KCNMA1: variants seen among roughly 807,000 people sequenced by gnomAD.
KCNMA1 encodes the protein Calcium-activated potassium channel subunit alpha-1.
Under a neutral mutation model 140.0 loss-of-function variants are expected in KCNMA1, and 29 were observed. The ratio of observed to expected loss-of-function variants is 0.21; its 90% CI spans 0.15 to 0.28. KCNMA1 has a LOEUF of 0.28. Among genes scored for constraint, KCNMA1 ranks in the 10% least tolerant of loss-of-function variants. KCNMA1 has a pLI of 1.00. For synonymous variants in KCNMA1, 612 were observed against 611.9 expected (o/e 1.00, Z 0.00); for missense variants, 880 against 1,602.2 (o/e 0.55, Z 7.70).
At chr10:77,153,453 C>T (rs1347634022) in intron 5 of KCNMA1, among the ~76,000 whole-genome samples, 1 of 152,076 alleles carries the variant, frequency 6.6e-6, no homozygotes, top group Admixed American at 6.5e-5. Context: ...CTCACTGCAA[C>T]CTCAGTCTCC....
chr10:77,377,279 T>TC (rs541876372), intron 2 of KCNMA1, among the ~76,000 whole-genome samples: 168 of 151,956 alleles, frequency 1.1e-3, no homozygotes, highest in Middle Eastern at 3.4e-3. Flanking sequence ...ATTTCCTACC[T>TC]CCCCCACCTG....
chr10:76,884,502 G>T (rs2082415), downstream of KCNMA1: 57,723 of 147,556 alleles, frequency 0.39, 12,107 homozygotes, highest in Non-Finnish European at 0.48. Context: ...CCGATGGGGG[G>T]ACTGGGATTG....
intron 25 of KCNMA1, among the ~76,000 whole-genome samples, chr10:76,907,565 G>A (rs930418766): frequency 6.6e-6 from 1 of 152,006 alleles, no homozygotes; most frequent in Non-Finnish European, 1.5e-5. Context: ...TTGAGACAGG[G>A]TCTCATTCTG....
At chr10:76,919,534 A>G (rs1289203730) in intron 23 of KCNMA1, among the ~76,000 whole-genome samples, 1 of 152,082 alleles carries the variant, frequency 6.6e-6, no homozygotes, top group Non-Finnish European at 1.5e-5. Flanking sequence ...CTGGATTTTC[A>G]TTTCTTTGAA....
intron 3 of KCNMA1, among the ~76,000 whole-genome samples, chr10:77,219,549 GTGTTTT>G (rs199974157): frequency 0.059 from 9,052 of 152,232 alleles, 302 homozygotes; most frequent in South Asian, 0.084. Flanking sequence ...AGAAAGATCA[GTGTTTT>G]AAAGTCTCCA....
At position 76,978,775 on chromosome 10, in the gene KCNMA1, AG is replaced by A. The variant is rs536968571; in HGVS notation, c.2267-8709del. 2.8e-3 allele frequency among the ~76,000 whole-genome samples: 427 copies of A among 152,292 alleles called. 1 individual carries two copies. The highest frequency in any genetic ancestry group is 9.6e-3 in the African/African-American group (400 of 41,560). ...CAAACACTGCTCCTGGCACCCTGGA[AG>A]GGCTCACACCCATGGCTACAGCTGC... is the stretch of plus-strand genomic sequence containing the variant. On this transcript the variant is annotated intron_variant, in intron 19 of 27. Coordinates refer to ENST00000286628, the MANE Select transcript of KCNMA1 (RefSeq NM_001161352.2).
Position 77,053,594 on chromosome 10 carries a change from T to A in KCNMA1, c.1750-13957A>T, listed in dbSNP as rs541169702. ...AGAGCTCCAGGGACCTTCCCCGACA[T>A]CAGTCATTTACAAAAGTGTTGGCAA... On this transcript the variant is annotated intron_variant, in intron 14 of 27. Coordinates refer to ENST00000286628, the MANE Select transcript of KCNMA1 (RefSeq NM_001161352.2). Among the ~76,000 whole-genome samples, 231 of 152,306 alleles carry A rather than the reference T, an allele frequency of 1.5e-3. 1 individual carries two copies. The highest frequency in any genetic ancestry group is 5.3e-3 in the African/African-American group (220 of 41,570).
In KCNMA1 at chr10:77,483,533, G is replaced by A. The variant is rs1020352286; in HGVS notation, c.379-79510C>T. Reference sequence around the variant, plus strand: ...ACTGGGGTGGAGGGCTCTCTTCCCCGATCACCTGGCTCTATCTTGCTCTAC... The same window carrying A: ...ACTGGGGTGGAGGGCTCTCTTCCCCAATCACCTGGCTCTATCTTGCTCTAC... On this transcript the variant is annotated intron_variant, in intron 1 of 27. Transcript: ENST00000286628. Among the ~76,000 whole-genome samples, 9 of 152,114 alleles carry A rather than the reference G, an allele frequency of 5.9e-5. 1 individual carries two copies. Among genetic ancestry groups the A allele is most frequent in the Non-Finnish European group, 2.9e-5 (2 of 68,012 alleles).
At chr10:77,082,934 T>TCCCCCA (rs939402566) in intron 12 of KCNMA1, among the ~76,000 whole-genome samples, 1 of 152,074 alleles carries the variant, frequency 6.6e-6, no homozygotes, top group African/African-American at 2.4e-5. Context: ...CTGGAGGAAT[T>TCCCCCA]CCCCCACCTC....
intron 15 of KCNMA1, among the ~76,000 whole-genome samples, chr10:77,030,487 C>T (rs905875331): frequency 6.6e-6 from 1 of 152,148 alleles, no homozygotes; most frequent in African/African-American, 2.4e-5. Flanking sequence ...TGATCTTAAA[C>T]TTAGTATGGA....
At chr10:77,538,077 A>G (rs860129) in intron 1 of KCNMA1, among the ~76,000 whole-genome samples, 92,474 of 151,478 alleles carry the variant, frequency 0.61, 29,134 homozygotes, top group East Asian at 0.81. Context: ...ACTCACACAC[A>G]TCCACATACT....
At chr10:77,612,871 T>C (rs1436120566) in intron 1 of KCNMA1, among the ~76,000 whole-genome samples, 3 of 152,212 alleles carry the variant, frequency 2.0e-5, no homozygotes. Context: ...CATTTGCTTA[T>C]GGAAGACAAA....
At chr10:77,354,253 A>T (rs373656579) in intron 2 of KCNMA1, among the ~76,000 whole-genome samples, 1 of 152,288 alleles carries the variant, frequency 6.6e-6, no homozygotes, top group East Asian at 1.9e-4. Flanking sequence ...TCAGCATCCC[A>T]AAGTGCTGAA....
At chr10:77,209,342 C>A (rs1226889071) in intron 3 of KCNMA1, among the ~76,000 whole-genome samples, 1 of 152,158 alleles carries the variant, frequency 6.6e-6, no homozygotes, top group African/African-American at 2.4e-5. Context: ...TACCCAATAA[C>A]CTGAGGTAAT....
chr10:77,399,038 G>T (rs942059035), intron 2 of KCNMA1, among the ~76,000 whole-genome samples: 1 of 152,156 alleles, frequency 6.6e-6, no homozygotes, highest in Non-Finnish European at 1.5e-5. Context: ...CAGAGCAGGG[G>T]TGCAAAGACA....
chr10:77,316,838 T>C (rs1413382347), intron 2 of KCNMA1, among the ~76,000 whole-genome samples: 1 of 152,164 alleles, frequency 6.6e-6, no homozygotes, highest in Non-Finnish European at 1.5e-5. Context: ...AAGAGCTTAA[T>C]TAAAGTTAAC....
intron 2 of KCNMA1, among the ~76,000 whole-genome samples, chr10:77,310,598 A>G (rs1374189724): frequency 6.6e-6 from 1 of 152,244 alleles, no homozygotes; most frequent in African/African-American, 2.4e-5. Context: ...CTCACTTCTT[A>G]AAACCCCAGC....
intron 20 of KCNMA1, among the ~76,000 whole-genome samples, chr10:76,967,775 A>G (rs1427604588): frequency 6.6e-6 from 1 of 152,168 alleles, no homozygotes; most frequent in Non-Finnish European, 1.5e-5. Context: ...CCAACATGAG[A>G]AGCCCGAGTT....
At chr10:77,037,032 T>G (rs2094383869) in intron 15 of KCNMA1, among the ~76,000 whole-genome samples, 1 of 152,198 alleles carries the variant, frequency 6.6e-6, no homozygotes. Flanking sequence ...TATATATATA[T>G]TCCAGAAACT....
Sources: allele counts gnomAD v4.1 joint callset (sites outside exome capture counted in the v4.1 genomes callset), GRCh38; gene constraint gnomAD v4.1.1; transcripts MANE v1.5; gene names NCBI Gene and HGNC (gene_info 2026-07-23, HGNC 2026-07-21).